The following PCDH11Y variants were observed in gnomAD, a reference collection of about 807,000 sequenced individuals.
PCDH11Y encodes protocadherin 11 Y-linked.
For missense variants in PCDH11Y, 12 were observed against 224.8 expected, an observed-to-expected ratio of 0.05 and a Z score of 6.05; for synonymous variants, 9 against 83.6, an observed-to-expected ratio of 0.11 and a Z score of 4.87.
At chrY:5,378,349 G>T in intron 2 of PCDH11Y, among the ~76,000 whole-genome samples, 1 of 30,817 alleles carries the variant, frequency 3.2e-5, no homozygotes, top group Non-Finnish European at 7.8e-5. Flanking sequence ...AAACAGAGCC[G>T]CACTGAGTTT....
At chrY:5,732,327 GT>G (rs2053605278) in intron 4 of PCDH11Y, among the ~76,000 whole-genome samples, 1 of 32,744 alleles carries the variant, frequency 3.1e-5, no homozygotes, top group Non-Finnish European at 7.5e-5. Flanking sequence ...TGGTAACAAA[GT>G]TTTTCAGGGC....
At chrY:5,123,126 T>C (rs2052820839) in intron 2 of PCDH11Y, among the ~76,000 whole-genome samples, 2 of 32,506 alleles carry the variant, frequency 6.2e-5, no homozygotes, top group East Asian at 1.7e-3. Context: ...AGCTTCAGAA[T>C]CAGGGAACAT....
intron 4 of PCDH11Y, among the ~76,000 whole-genome samples, chrY:5,727,810 A>G: frequency 3.1e-5 from 1 of 32,745 alleles, no homozygotes; most frequent in African/African-American, 1.2e-4. Flanking sequence ...AAATTCACTC[A>G]TGTTCTATAG....
chrY:5,057,676 T>C, intron 1 of PCDH11Y, among the ~76,000 whole-genome samples: 1 of 33,481 alleles, frequency 3.0e-5, no homozygotes, highest in African/African-American at 1.2e-4. Context: ...TTCAAACAGT[T>C]GTGTTTCCAT....
intron 4 of PCDH11Y, among the ~76,000 whole-genome samples, chrY:5,663,061 G>A: frequency 3.3e-5 from 1 of 30,461 alleles, no homozygotes; most frequent in Non-Finnish European, 7.8e-5. Flanking sequence ...ACAATCTAAA[G>A]GAAGTCATCA....
At chrY:5,076,813 A>T in intron 1 of PCDH11Y, among the ~76,000 whole-genome samples, 1 of 33,330 alleles carries the variant, frequency 3.0e-5, no homozygotes, top group Non-Finnish European at 7.4e-5. Flanking sequence ...TTTGGTTACT[A>T]TAGCTCTGTA....
At chrY:5,576,714 C>T in intron 3 of PCDH11Y, among the ~76,000 whole-genome samples, 1 of 33,103 alleles carries the variant, frequency 3.0e-5, no homozygotes, top group Non-Finnish European at 7.5e-5. Context: ...GTTGGATCTG[C>T]CAAAGCAAGA....
intron 2 of PCDH11Y, among the ~76,000 whole-genome samples, chrY:5,215,015 G>A: frequency 3.1e-5 from 1 of 31,879 alleles, no homozygotes; most frequent in Non-Finnish European, 7.6e-5. Context: ...TCATTCTGGT[G>A]TTGGTGTCTG....
chrY:5,599,229 C>T (rs2053470301), intron 4 of PCDH11Y, among the ~76,000 whole-genome samples: 2 of 31,896 alleles, frequency 6.3e-5, no homozygotes, highest in Non-Finnish European at 1.5e-4. Flanking sequence ...GTTAACTGGA[C>T]GGTGGAGGTG....
At chrY:5,585,006 T>G in intron 4 of PCDH11Y, among the ~76,000 whole-genome samples, 1 of 32,496 alleles carries the variant, frequency 3.1e-5, no homozygotes, top group African/African-American at 1.2e-4. Context: ...ACATTTAGGT[T>G]GATATCATAT....
At chrY:5,613,118 G>T in intron 4 of PCDH11Y, among the ~76,000 whole-genome samples, 1 of 31,522 alleles carries the variant, frequency 3.2e-5, no homozygotes, top group Non-Finnish European at 7.7e-5. Flanking sequence ...CAACCACCTC[G>T]GCCTCCCAAA....
intron 2 of PCDH11Y, among the ~76,000 whole-genome samples, chrY:5,374,461 G>GTA (rs757437915): frequency 1.4e-3 from 37 of 26,857 alleles, no homozygotes; most frequent in African/African-American, 1.3e-3. Flanking sequence ...ATATATATGT[G>GTA]TATATATATA....
At chrY:5,164,029 CAT>C (rs2052876932) in intron 2 of PCDH11Y, among the ~76,000 whole-genome samples, 2 of 34,298 alleles carry the variant, frequency 5.8e-5, no homozygotes, top group East Asian at 8.0e-4. Context: ...GGCACACAAA[CAT>C]ATATATGTAT....
At chrY:5,537,938 G>A in intron 3 of PCDH11Y, among the ~76,000 whole-genome samples, 5 of 33,116 alleles carry the variant, frequency 1.5e-4, no homozygotes. Context: ...GTATATATGG[G>A]CTATACTGGG....
chrY:5,456,181 T>C (rs2053297845), intron 2 of PCDH11Y, among the ~76,000 whole-genome samples: 41 of 33,429 alleles, frequency 1.2e-3, no homozygotes, highest in African/African-American at 4.3e-3. Context: ...AAAGAAGATA[T>C]ACATGTGGTC....
intron 2 of PCDH11Y, among the ~76,000 whole-genome samples, chrY:5,454,823 T>C (rs2053296204): frequency 3.0e-5 from 1 of 33,412 alleles, no homozygotes; most frequent in Non-Finnish European, 7.4e-5. Context: ...AAACCATTCT[T>C]TCCCCATAGG....
intron 3 of PCDH11Y, among the ~76,000 whole-genome samples, chrY:5,570,036 G>T: frequency 1.2e-4 from 4 of 32,469 alleles, no homozygotes; most frequent in Admixed American, 1.1e-3. Flanking sequence ...TATCCAAAGA[G>T]CCATTACCTT....
At chrY:5,316,072 G>A (rs2053106784) in intron 2 of PCDH11Y, among the ~76,000 whole-genome samples, 1 of 33,423 alleles carries the variant, frequency 3.0e-5, no homozygotes. Context: ...GCCATGGCCC[G>A]TGACACAGCT....
At chrY:5,524,303 A>C (rs2053384331) in intron 3 of PCDH11Y, among the ~76,000 whole-genome samples, 1 of 33,244 alleles carries the variant, frequency 3.0e-5, no homozygotes, top group Admixed American at 2.7e-4. Flanking sequence ...AGCTATGTAC[A>C]TCCTGTTATT....
Sources: allele counts gnomAD v4.1 joint callset (sites outside exome capture counted in the v4.1 genomes callset), GRCh38; gene constraint gnomAD v4.1.1; transcripts MANE v1.5; gene names NCBI Gene and HGNC (gene_info 2026-07-23, HGNC 2026-07-21).